The following VPS8 variants were observed in gnomAD, a reference collection of about 807,000 sequenced individuals.
VPS8 encodes the protein VPS8 subunit of CORVET complex.
Under a neutral mutation model 216.4 loss-of-function variants are expected in VPS8, and 129 were observed. The observed-to-expected ratio is 0.60, with a 90% CI of 0.52 to 0.69. The LOEUF (loss-of-function observed/expected upper bound fraction) is 0.69, where lower values mean the gene tolerates loss of function less well. Ranked by LOEUF, VPS8 falls within the 30% of genes least tolerant of loss-of-function variation. The pLI, the probability that VPS8 is intolerant of heterozygous loss-of-function variation, is 0.00. For synonymous variants in VPS8, 571 were observed against 565.4 expected (o/e 1.01, Z -0.14); for missense variants, 1,531 against 1,683.5 (o/e 0.91, Z 1.59).
At chr3:184,968,015 T>C (rs570701415) in intron 39 of VPS8, among the ~76,000 whole-genome samples, 1 of 152,104 alleles carries the variant, frequency 6.6e-6, no homozygotes, top group African/African-American at 2.4e-5. Context: ...AATCTGTACC[T>C]ATAAAGCAAC....
intron 40 of VPS8, chr3:184,982,329 T>G: frequency 2.1e-6 from 1 of 485,766 alleles, no homozygotes; most frequent in Middle Eastern, 5.5e-4. Flanking sequence ...CCTCCTTACG[T>G]TTCCCAGGGC....
chr3:184,916,884 G>C (rs972666170), intron 28 of VPS8, among the ~76,000 whole-genome samples: 5 of 152,106 alleles, frequency 3.3e-5, no homozygotes, highest in African/African-American at 1.2e-4. Context: ...TATGACACTG[G>C]GATTTATAGT....
At chr3:184,949,196 C>T (rs192409982) in intron 36 of VPS8, among the ~76,000 whole-genome samples, 1 of 151,986 alleles carries the variant, frequency 6.6e-6, no homozygotes, top group African/African-American at 2.4e-5. Context: ...ACTTGGGAGG[C>T]TGATGTGAGA....
chr3:185,000,231 T>C lies in VPS8; in HGVS notation c.4002+370T>C, dbSNP rs187940634. 1.4e-4 allele frequency among the ~76,000 whole-genome samples: 22 copies of C among 152,336 alleles called. No individual in the cohort carries two copies. The Middle Eastern group carries it at 0.014, about 94-fold the overall frequency. ...CCTATATGATAAGAGTGCAGAATTA[T>C]GACTTTTAAGTAGGGCTGATGATGG... On this transcript the variant is annotated intron_variant, in intron 45 of 47. Transcript: ENST00000625842.
At position 184,869,037 on chromosome 3, in the gene VPS8, G is replaced by A. The variant is rs764762696; in HGVS notation, c.1597+1G>A. On this transcript the variant is annotated splice_donor_variant, in intron 19 of 47. Transcript: ENST00000625842. LOFTEE classifies it high-confidence loss of function. Reference sequence around the variant, plus strand: ...GAAGGAAAAGCAAAAGCAGTAGTGGGTGAGTAGGCAGAATTCCAGTGTAGT... The same window carrying A: ...GAAGGAAAAGCAAAAGCAGTAGTGGATGAGTAGGCAGAATTCCAGTGTAGT... The A allele has an allele frequency of 5.6e-6, 9 of 1,602,128 alleles. No homozygotes were observed. The highest frequency in any genetic ancestry group is 7.7e-6 in the Non-Finnish European group (9 of 1,174,200).
At chr3:184,872,821 C>T (rs1181323579) in intron 21 of VPS8, among the ~76,000 whole-genome samples, 1 of 151,656 alleles carries the variant, frequency 6.6e-6, no homozygotes, top group East Asian at 1.9e-4. Flanking sequence ...GCTACAGGCT[C>T]CAAAAAAAGA....
At chr3:184,998,218 A>G (rs968730284) in intron 44 of VPS8, among the ~76,000 whole-genome samples, 24 of 152,148 alleles carry the variant, frequency 1.6e-4, no homozygotes, top group African/African-American at 5.3e-4. Flanking sequence ...TGGGGCGGTG[A>G]CATGATCTGA....
chr3:184,838,143 C>T lies in VPS8; in HGVS notation c.448-571C>T, dbSNP rs1721469442. Among the ~76,000 whole-genome samples, 4 of 152,140 alleles carry T rather than the reference C, an allele frequency of 2.6e-5. No homozygotes were observed. The South Asian group carries it at 8.3e-4, about 32-fold the overall frequency. ...CTATTTCTTTGAACAGATGAGGAGA[C>T]TAATGTTCAGAAAAGTTAGGTGACT... On this transcript the variant is annotated intron_variant, in intron 5 of 47. Transcript: ENST00000625842.
At chr3:184,866,090 C>T (rs775119926) in intron 16 of VPS8, among the ~76,000 whole-genome samples, 1 of 151,872 alleles carries the variant, frequency 6.6e-6, no homozygotes, top group South Asian at 2.1e-4. Context: ...TATATAAAAA[C>T]TTGTATATGA....
chr3:184,838,809 C>T (rs1266374479), intron 6 of VPS8, 63 bp downstream of exon 6: 1 of 1,295,070 alleles, frequency 7.7e-7, no homozygotes, highest in Admixed American at 2.5e-5. Context: ...TTAGATTTAT[C>T]ATTACATTGT....
intron 25 of VPS8, among the ~76,000 whole-genome samples, chr3:184,909,928 G>C (rs1445933888): frequency 1.3e-5 from 2 of 151,810 alleles, no homozygotes; most frequent in African/African-American, 2.4e-5. Context: ...GTCTTCCATT[G>C]TTTTATCAGA....
rs16859527 is a variant in VPS8 at position 185,048,537 on chromosome 3, G to A, written c.4115G>A (p.Arg1372His). ...QQIQAFDQLC[R>H]LYRGSSRLAL... Reference sequence around the variant, plus strand: ...ATCCAAGCATTTGATCAGCTTTGCCGTCTCTACCGAGGAAGCTCCAGGGTA... The same window carrying A: ...ATCCAAGCATTTGATCAGCTTTGCCATCTCTACCGAGGAAGCTCCAGGGTA... The change falls in exon 47 of 48, where the codon CGT becomes CAT. Residue 1372 changes from arginine (R) to histidine (H), a missense_variant. Arg to His is a conservative substitution (Grantham distance 29). Around this residue, in one of 3 missense-constraint regions of VPS8, gnomAD observed 1,318 missense variants for 1,468.4 expected, o/e 0.90. Coordinates refer to ENST00000625842, the MANE Select transcript of VPS8 (RefSeq NM_001009921.3). 1.2e-3 allele frequency: 1,906 copies of A among 1,613,914 alleles called. 41 individuals carry two copies. In the East Asian group the frequency reaches 0.029, roughly 25 times the overall value.
At chr3:184,872,165 G>A (rs548697038) in intron 21 of VPS8, among the ~76,000 whole-genome samples, 1 of 152,108 alleles carries the variant, frequency 6.6e-6, no homozygotes, top group East Asian at 1.9e-4. Context: ...CTTAATATTT[G>A]TAACAAGAAT....
At chr3:184,832,115 G>A (rs1025927503) in intron 3 of VPS8, among the ~76,000 whole-genome samples, 14 of 152,114 alleles carry the variant, frequency 9.2e-5, no homozygotes, top group African/African-American at 3.4e-4. Context: ...TTCATGGTTT[G>A]GGTACCAGCT....
At chr3:185,002,399 C>T (rs143623134) in intron 45 of VPS8, among the ~76,000 whole-genome samples, 1 of 152,280 alleles carries the variant, frequency 6.6e-6, no homozygotes, top group East Asian at 1.9e-4. Context: ...TGAATTTCTT[C>T]CTACCTTCTC....
At chr3:184,893,908 G>A (rs916587615) in intron 22 of VPS8, among the ~76,000 whole-genome samples, 4 of 152,200 alleles carry the variant, frequency 2.6e-5, no homozygotes, top group Non-Finnish European at 5.9e-5. Flanking sequence ...AGAATAAATA[G>A]CAACTTAGAA....
chr3:184,954,922 A>C (rs1002376424), intron 36 of VPS8, among the ~76,000 whole-genome samples: 1 of 152,228 alleles, frequency 6.6e-6, no homozygotes, highest in African/African-American at 2.4e-5. Flanking sequence ...TTGCTTTACT[A>C]ATATAACCTA....
intron 36 of VPS8, among the ~76,000 whole-genome samples, chr3:184,946,197 A>C (rs1432226486): frequency 6.6e-6 from 1 of 152,236 alleles, no homozygotes; most frequent in Non-Finnish European, 1.5e-5. Flanking sequence ...AGCTACACCT[A>C]TATTTTAGCA....
chr3:185,037,765 CAGTTGT>C (rs1201792534), intron 46 of VPS8, among the ~76,000 whole-genome samples: 2 of 152,184 alleles, frequency 1.3e-5, no homozygotes, highest in Non-Finnish European at 2.9e-5. Context: ...GAATTTGTTT[CAGTTGT>C]AGTTTTCAAC....
Sources: gnomAD v4.1 joint callset for allele counts (sites outside exome capture counted in the v4.1 genomes callset) on GRCh38, gnomAD v4.1.1 for gene constraint, gnomAD v4.1.1 regional missense constraint, MANE v1.5 for transcripts, NCBI Gene and HGNC (gene_info 2026-07-23, HGNC 2026-07-21) for gene names.